Variants in NTM observed in about 807,000 individuals in gnomAD.
NTM encodes neurotrimin, also known as IgLON family member 2.
In NTM, 13 loss-of-function variants were observed where a neutral mutation model predicts 42.1. The observed-to-expected ratio is 0.31, with a 90% confidence interval of 0.20 to 0.49. NTM has a LOEUF of 0.49. NTM is among the 20% of genes least tolerant of loss of function. The pLI is 0.99. For synonymous variants in NTM, 187 were observed against 179.2 expected, an observed-to-expected ratio of 1.04 and a Z score of -0.35; for missense variants, 373 against 452.8, an observed-to-expected ratio of 0.82 and a Z score of 1.60.
At chr11:132,259,570 C>T (rs1487878803) in intron 4 of NTM, among the ~76,000 whole-genome samples, 1 of 151,790 alleles carries the variant, frequency 6.6e-6, no homozygotes, top group Non-Finnish European at 1.5e-5. Context: ...ATCCCAGCTA[C>T]TCGGGAGGCT....
intron 4 of NTM, among the ~76,000 whole-genome samples, chr11:132,246,002 G>T (rs976053236): frequency 2.0e-5 from 3 of 152,200 alleles, no homozygotes; most frequent in Non-Finnish European, 4.4e-5. Flanking sequence ...TCCTATAGGG[G>T]TTTGATGAGA....
intron 2 of NTM, among the ~76,000 whole-genome samples, chr11:132,010,120 C>T (rs915880641): frequency 2.6e-5 from 4 of 152,192 alleles, no homozygotes; most frequent in African/African-American, 7.2e-5. Flanking sequence ...ATCCTCACCA[C>T]GGCTGTTCAT....
At chr11:131,596,065 T>C (rs2059788150) in intron 1 of NTM, among the ~76,000 whole-genome samples, 1 of 152,194 alleles carries the variant, frequency 6.6e-6, no homozygotes, top group African/African-American at 2.4e-5. Flanking sequence ...CGGGACAGTG[T>C]TTTTCTTGTT....
rs749605923 is a variant in NTM at position 131,927,721 on chromosome 11, TA to T, written c.167+16074del. Among the ~76,000 whole-genome samples, 13 of 152,318 alleles carry T rather than the reference TA, an allele frequency of 8.5e-5. No homozygotes were observed. The East Asian group carries it at 2.5e-3, about 29-fold the overall frequency. ...CTTGATAGTGTAGAAGGACACTTGA[TA>T]CCCAGAGAAGGATTTCATTGACACT... On this transcript the variant is annotated intron_variant, in intron 2 of 8. Coordinates refer to ENST00000683400, the MANE Select transcript of NTM (RefSeq NM_001352005.2).
intron 1 of NTM, among the ~76,000 whole-genome samples, chr11:131,527,417 C>T (rs2050655804): frequency 6.6e-6 from 1 of 152,192 alleles, no homozygotes; most frequent in Non-Finnish European, 1.5e-5. Flanking sequence ...TGCACATGAC[C>T]ACCACCTGGA....
chr11:131,729,848 T>C (rs1211600950), intron 1 of NTM, among the ~76,000 whole-genome samples: 1 of 152,252 alleles, frequency 6.6e-6, no homozygotes, highest in African/African-American at 2.4e-5. Context: ...TATCAGTTGA[T>C]AGAAATTTGG....
At chr11:131,393,125 C>T (rs190330249) in intron 1 of NTM, among the ~76,000 whole-genome samples, 6 of 152,252 alleles carry the variant, frequency 3.9e-5, no homozygotes, top group East Asian at 3.9e-4. Context: ...AACGCCCTCT[C>T]GTAAGCAGAC....
chr11:131,781,701 T>C (rs949149147), intron 1 of NTM, among the ~76,000 whole-genome samples: 2 of 152,294 alleles, frequency 1.3e-5, no homozygotes, highest in South Asian at 2.1e-4. Flanking sequence ...ACAAAATATA[T>C]GAATCATTGC....
chr11:131,597,248 G>A (rs1307710373), intron 1 of NTM, among the ~76,000 whole-genome samples: 6 of 152,096 alleles, frequency 3.9e-5, no homozygotes, highest in Non-Finnish European at 8.8e-5. Context: ...CCCCTTTAAT[G>A]CCACGTGGGA....
intron 2 of NTM, among the ~76,000 whole-genome samples, chr11:132,012,210 G>A (rs769836321): frequency 1.3e-5 from 2 of 152,180 alleles, no homozygotes; most frequent in Non-Finnish European, 2.9e-5. Context: ...ATCAAAGAAC[G>A]ATAGAAGACA....
intron 4 of NTM, among the ~76,000 whole-genome samples, chr11:132,240,345 A>G (rs982014569): frequency 1.3e-5 from 2 of 152,240 alleles, no homozygotes; most frequent in African/African-American, 2.4e-5. Flanking sequence ...ACCATAGATA[A>G]AAGACAGAGT....
intron 2 of NTM, among the ~76,000 whole-genome samples, chr11:132,095,419 G>A (rs1001106679): frequency 7.9e-5 from 12 of 152,078 alleles, no homozygotes; most frequent in Admixed American, 2.0e-4. Flanking sequence ...TACCTCTTCC[G>A]CATCATTTGT....
At chr11:131,854,702 A>G (rs1310150029) in intron 1 of NTM, among the ~76,000 whole-genome samples, 1 of 152,190 alleles carries the variant, frequency 6.6e-6, no homozygotes, top group African/African-American at 2.4e-5. Context: ...TTTAAGAGCA[A>G]TGGGAAGACT....
In NTM at chr11:131,575,183, C is replaced by T. The variant is rs565753532; in HGVS notation, c.82+204295C>T. Among the ~76,000 whole-genome samples the T allele has an allele frequency of 3.8e-5, 4 of 106,000 alleles. No individual in the cohort carries two copies. The East Asian group carries it at 1.4e-3, about 37-fold the overall frequency. The allele number at this position is 106,000 out of a possible 152,430, so 69.5% of individuals were successfully genotyped here. ...CCTCTGAAAGAGTCACAGTGAACTT[C>T]AGCATACAAAGGCTCTGAGAAGTCC... On this transcript the variant is annotated intron_variant, in intron 1 of 8. Coordinates refer to ENST00000683400, the MANE Select transcript of NTM (RefSeq NM_001352005.2).
chr11:132,111,379 A>G (rs1275595126), intron 2 of NTM, among the ~76,000 whole-genome samples: 1 of 152,140 alleles, frequency 6.6e-6, no homozygotes, highest in Non-Finnish European at 1.5e-5. Context: ...AGAAAACAAA[A>G]ACAAAACAAG....
Position 131,894,178 on chromosome 11 carries a change from G to A in NTM, c.83-17386G>A, listed in dbSNP as rs553726048. Among the ~76,000 whole-genome samples the A allele has an allele frequency of 6.8e-4, 104 of 152,308 alleles. 1 individual carries two copies. The highest frequency in any genetic ancestry group is 1.1e-3 in the Non-Finnish European group (72 of 68,026). On this transcript the variant is annotated intron_variant, in intron 1 of 8. Transcript: ENST00000683400. ...TACTCTGTGAGCACTGGGGGCAATT[G>A]TGCGGCTTCTCTTCAACCGCCAGCC...
At chr11:131,717,827 T>C (rs1257624382) in intron 1 of NTM, among the ~76,000 whole-genome samples, 3 of 152,208 alleles carry the variant, frequency 2.0e-5, no homozygotes, top group African/African-American at 7.2e-5. Context: ...CTTTTATCTT[T>C]AGATATGCTG....
intron 1 of NTM, chr11:131,661,099 T>C: frequency 8.2e-7 from 1 of 1,215,972 alleles, no homozygotes; most frequent in African/African-American, 1.6e-5. Context: ...TGGGGGGGTC[T>C]TCCCCCTAGA....
chr11:131,959,968 G>C (rs1593195047), intron 2 of NTM, among the ~76,000 whole-genome samples: 1 of 152,230 alleles, frequency 6.6e-6, no homozygotes, highest in African/African-American at 2.4e-5. Flanking sequence ...GCATGTACTA[G>C]AGATTGCACA....
Sources: allele counts gnomAD v4.1 joint callset (sites outside exome capture counted in the v4.1 genomes callset), GRCh38; gene constraint gnomAD v4.1.1; transcripts MANE v1.5; gene names NCBI Gene and HGNC (gene_info 2026-07-23, HGNC 2026-07-21).